Variants in UNC79 observed in about 807,000 individuals in gnomAD.
UNC79 encodes the protein unc-79 subunit of NALCN channel complex.
In UNC79, 37 loss-of-function variants were observed where a neutral mutation model predicts 283.1. The observed-to-expected ratio is 0.13, with a 90% confidence interval of 0.10 to 0.17. UNC79 has a LOEUF of 0.17. Among genes scored for constraint, UNC79 ranks in the 10% least tolerant of loss-of-function variants. The pLI is 1.00. For missense variants in UNC79, 2,272 were observed against 3,211.1 expected (o/e 0.71, Z 7.07); for synonymous variants, 1,107 against 1,200.2 (o/e 0.92, Z 1.61).
At chr14:93,457,458 T>C (rs935311913) in intron 1 of UNC79, among the ~76,000 whole-genome samples, 1 of 152,144 alleles carries the variant, frequency 6.6e-6, no homozygotes, top group Non-Finnish European at 1.5e-5. Context: ...CTCTTAGGAG[T>C]TAGCCAGGCA....
intron 1 of UNC79, among the ~76,000 whole-genome samples, chr14:93,407,516 T>C (rs1396402022): frequency 6.6e-6 from 1 of 152,100 alleles, no homozygotes; most frequent in Non-Finnish European, 1.5e-5. Flanking sequence ...CTGAGAAAAA[T>C]CTCATGCCTC....
intron 29 of UNC79, 138 bp downstream of exon 30, chr14:93,618,492 T>C: frequency 2.0e-6 from 2 of 1,003,906 alleles, no homozygotes; most frequent in South Asian, 4.9e-5. Flanking sequence ...ATTTTCCAAC[T>C]TTCCATGAAT....
At chr14:93,426,582 G>A (rs1233568390), upstream of UNC79, among the ~76,000 whole-genome samples, 2 of 151,198 alleles carry the variant, frequency 1.3e-5, no homozygotes, top group Non-Finnish European at 3.0e-5. Context: ...TTTTCAGATT[G>A]GATAATTTAC....
chr14:93,525,045 G>C (rs942290579), intron 8 of UNC79, among the ~76,000 whole-genome samples: 2 of 152,176 alleles, frequency 1.3e-5, no homozygotes, highest in Admixed American at 1.3e-4. Context: ...AGGAGTGCCG[G>C]TAATAACACT....
At chr14:93,405,860 C>A (rs1239940946) in intron 1 of UNC79, among the ~76,000 whole-genome samples, 1 of 152,164 alleles carries the variant, frequency 6.6e-6, no homozygotes, top group African/African-American at 2.4e-5. Context: ...AATAGAAGAG[C>A]AGGAGAGTAA....
intron 1 of UNC79, among the ~76,000 whole-genome samples, chr14:93,439,104 C>T (rs930218822): frequency 2.0e-5 from 3 of 151,956 alleles, no homozygotes; most frequent in Non-Finnish European, 4.4e-5. Context: ...ATTTTTCCAT[C>T]TATTCTTTTG....
chr14:93,571,654 A>C (rs1222114262), intron 14 of UNC79, among the ~76,000 whole-genome samples: 1 of 152,230 alleles, frequency 6.6e-6, no homozygotes, highest in Admixed American at 6.5e-5. Context: ...AGCATCATTA[A>C]AAATTCCATC....
chr14:93,646,549 A>G (rs2069625150), intron 34 of UNC79, 59 bp from the exon 38 acceptor site: 1 of 1,542,482 alleles, frequency 6.5e-7, no homozygotes, highest in African/African-American at 1.4e-5. Flanking sequence ...CACAATATTA[A>G]TGCATTTCAT....
intron 1 of UNC79, among the ~76,000 whole-genome samples, chr14:93,424,473 A>C (rs1233597200): frequency 6.6e-6 from 1 of 152,212 alleles, no homozygotes; most frequent in Non-Finnish European, 1.5e-5. Flanking sequence ...GTCTATAAAC[A>C]GATAAACATG....
intron 20 of UNC79, among the ~76,000 whole-genome samples, chr14:93,584,132 C>A (rs2064038246): frequency 6.6e-6 from 1 of 152,258 alleles, no homozygotes; most frequent in Non-Finnish European, 1.5e-5. Context: ...AGATTTTCTG[C>A]AAACAGAATA....
At chr14:93,559,191 C>T (rs142708894) in intron 14 of UNC79, among the ~76,000 whole-genome samples, 17 of 152,316 alleles carry the variant, frequency 1.1e-4, no homozygotes, top group African/African-American at 3.8e-4. Context: ...AAGTGACCTA[C>T]AGAAATTGGC....
At chr14:93,624,930 A>G (rs919030255) in intron 30 of UNC79, among the ~76,000 whole-genome samples, 1 of 152,050 alleles carries the variant, frequency 6.6e-6, no homozygotes, top group Non-Finnish European at 1.5e-5. Flanking sequence ...GACTAACCTC[A>G]CTGTGCACTT....
chr14:93,474,475 G>A lies in UNC79; in HGVS notation c.448+82G>A, dbSNP rs1395099158. On this transcript the variant is annotated intron_variant, in intron 3 of 48. Transcript: ENST00000555664. The surrounding 1 kb of genome is among the most constrained non-coding windows in gnomAD (Gnocchi z 4.1). ...ATGCTGAGCAAGGGGCTTGGAGATG[G>A]TCACTGTTGTAATCAATCACCTGAA... is the stretch of plus-strand genomic sequence containing the variant. 2.1e-6 allele frequency: 3 copies of A among 1,439,208 alleles called. No individual in the cohort carries two copies. Among genetic ancestry groups the A allele is most frequent in the Non-Finnish European group, 2.8e-6 (3 of 1,082,980 alleles). 89.2% of individuals were successfully genotyped at this position (1,439,208 alleles called of 1,614,324 possible). A position where few individuals can be genotyped will look rare whatever the true frequency, so the allele number is the denominator to read the frequency against.
chr14:93,578,896 A>G (rs979630588), intron 18 of UNC79, among the ~76,000 whole-genome samples: 2 of 152,210 alleles, frequency 1.3e-5, no homozygotes, highest in African/African-American at 2.4e-5. Flanking sequence ...GCAATTACAG[A>G]TACTGTTTCC....
In UNC79 at chr14:93,586,745, T is replaced by G. The variant is rs765289519; in HGVS notation, c.2884-15T>G. 1.9e-6 allele frequency: 3 copies of G among 1,613,108 alleles called. No individual in the cohort carries two copies. The highest frequency in any genetic ancestry group is 2.5e-6 in the Non-Finnish European group (3 of 1,179,714). On this transcript the variant is annotated splice_polypyrimidine_tract_variant and intron_variant, in intron 21 of 48. Coordinates refer to ENST00000555664, the Ensembl canonical transcript of UNC79. Reference sequence around the variant, plus strand: ...TGTTTTGGATAACTTAGTAACCATGTGGTTTTTTGTATAGGAAATGGCTAA... The same window carrying G: ...TGTTTTGGATAACTTAGTAACCATGGGGTTTTTTGTATAGGAAATGGCTAA...
chr14:93,390,890 T>G (rs1034843788), intron 1 of UNC79, among the ~76,000 whole-genome samples: 13 of 152,348 alleles, frequency 8.5e-5, no homozygotes, highest in African/African-American at 2.9e-4. Flanking sequence ...CCTCAATTTA[T>G]CTGTAGATTT....
intron 1 of UNC79, among the ~76,000 whole-genome samples, chr14:93,357,798 T>TGGATATATGGATATATATATAC (rs1566889917): frequency 1.5e-4 from 18 of 116,588 alleles, no homozygotes; most frequent in Admixed American, 2.0e-4. Flanking sequence ...TATATATATA[T>TGGATATATGGATATATATATAC]GGATATATGG....
chr14:93,434,447 A>T (rs1320832105), intron 1 of UNC79, among the ~76,000 whole-genome samples: 1 of 152,138 alleles, frequency 6.6e-6, no homozygotes, highest in Non-Finnish European at 1.5e-5. Flanking sequence ...GCTGATATAG[A>T]ATTTGGAATG....
At position 93,371,839 on chromosome 14, in the gene UNC79, C is replaced by CA. The variant is rs34540610; in HGVS notation, c.-351+38327dup. On this transcript the variant is annotated intron_variant, in intron 1 of 49. Coordinates refer to the UNC79 transcript ENST00000256339. ...TAGGGGAAAGATCGAGACTCCGTCT[C>CA]AAAAAAAAAAACCAAAAAAAACAAC... Among the ~76,000 whole-genome samples the CA allele has an allele frequency of 3.3e-3, 466 of 140,554 alleles. 2 individuals are homozygous for CA. The highest frequency in any genetic ancestry group is 3.9e-3 in the Non-Finnish European group (255 of 64,690). The allele number at this position is 140,554 out of a possible 152,430, so 92.2% of individuals were successfully genotyped here. A position where few individuals can be genotyped will look rare whatever the true frequency, so the allele number is the denominator to read the frequency against.
Sources: gnomAD v4.1 joint callset for allele counts (sites outside exome capture counted in the v4.1 genomes callset) on GRCh38, gnomAD v4.1.1 for gene constraint, Gnocchi (gnomAD v3.1) non-coding constraint, MANE v1.5 for transcripts, NCBI Gene and HGNC (gene_info 2026-07-23, HGNC 2026-07-21) for gene names.